PARP4: variants seen among roughly 807,000 people sequenced by gnomAD.
PARP4 encodes the protein poly(ADP-ribose) polymerase family member 4.
A neutral mutation model predicts 187.7 loss-of-function variants in PARP4; 120 were observed. The ratio of observed to expected loss-of-function variants is 0.64; its 90% CI spans 0.55 to 0.74. The LOEUF is 0.74. Among genes scored for constraint, PARP4 ranks in the 30% least tolerant of loss-of-function variants. The pLI, the probability that PARP4 is intolerant of heterozygous loss-of-function variation, is 0.00. For synonymous variants in PARP4, 654 were observed against 740.9 expected (o/e 0.88, Z 1.90); for missense variants, 1,836 against 2,070.5 (o/e 0.89, Z 2.20).
At chr13:24,504,143 G>A (rs1869467771) in intron 1 of PARP4, among the ~76,000 whole-genome samples, 1 of 151,834 alleles carries the variant, frequency 6.6e-6, no homozygotes, top group Admixed American at 6.6e-5. Context: ...TGAAACCATG[G>A]GTTTCTTTAA....
chr13:24,502,262 C>T (rs1309957369), intron 2 of PARP4, among the ~76,000 whole-genome samples: 2 of 152,104 alleles, frequency 1.3e-5, no homozygotes, highest in East Asian at 3.9e-4. Context: ...CCAGGCTGGT[C>T]TTGAACTCTC....
chr13:24,438,926 C>T (rs188379760), intron 30 of PARP4, among the ~76,000 whole-genome samples: 51 of 152,184 alleles, frequency 3.4e-4, no homozygotes, highest in Admixed American at 2.9e-3. Flanking sequence ...AAACAGATAT[C>T]GAGGAAGAGT....
At chr13:24,483,399 T>C (rs1410701079) in intron 12 of PARP4, among the ~76,000 whole-genome samples, 1 of 119,330 alleles carries the variant, frequency 8.4e-6, no homozygotes, top group Admixed American at 9.0e-5. Context: ...GGCAGGAGAA[T>C]GGCGTGAACC....
At chr13:24,475,894 C>T (rs1304950360) in intron 14 of PARP4, among the ~76,000 whole-genome samples, 1 of 151,988 alleles carries the variant, frequency 6.6e-6, no homozygotes, top group African/African-American at 2.4e-5. Context: ...AGGTGATCCT[C>T]CTGTCTCAGC....
intron 32 of PARP4, among the ~76,000 whole-genome samples, chr13:24,428,582 G>A (rs1394017019): frequency 6.6e-6 from 1 of 152,150 alleles, no homozygotes; most frequent in Admixed American, 6.5e-5. Context: ...CCAGGGCTCA[G>A]GTGATCCTCC....
At chr13:24,501,136 G>A (rs764959030) in intron 3 of PARP4, among the ~76,000 whole-genome samples, 5 of 152,194 alleles carry the variant, frequency 3.3e-5, no homozygotes, top group Non-Finnish European at 7.3e-5. Context: ...GTATTTATCA[G>A]AACTGTGTGA....
rs1238153637 is a variant in PARP4, at chr13:24,486,794, AT to A, written c.1215-490del. On this transcript the variant is annotated intron_variant, in intron 10 of 33. Coordinates refer to ENST00000381989, the MANE Select transcript of PARP4 (RefSeq NM_006437.4). ...TGGTGAAACCCCGTCTCTCCTAAAA[AT>A]ACAAAAATTAGCAGGGCATGGTGGT... 8.5e-5 allele frequency among the ~76,000 whole-genome samples: 13 copies of A among 152,334 alleles called. No homozygotes were observed. In the East Asian group the frequency reaches 2.5e-3, roughly 29 times the overall value.
chr13:24,482,270 T>A lies in PARP4; in HGVS notation c.1448+2383A>T, dbSNP rs1873319139. On this transcript the variant is annotated intron_variant, in intron 12 of 33. Coordinates refer to ENST00000381989, the MANE Select transcript of PARP4 (RefSeq NM_006437.4). ...AGATGGAATCCATTCCTGGTGAAGA[T>A]GTTGTGAACACTGTTGAACTGACAA... 2.0e-5 allele frequency among the ~76,000 whole-genome samples: 3 copies of A among 152,248 alleles called. No individual in the cohort carries two copies. In the South Asian group the frequency reaches 6.2e-4, roughly 31 times the overall value.
chr13:24,498,091 T>C (rs1869053337), intron 6 of PARP4, 25 bp downstream of exon 6: 3 of 1,482,040 alleles, frequency 2.0e-6, no homozygotes, highest in Non-Finnish European at 2.8e-6. Flanking sequence ...AGTAAACACA[T>C]AGGAATCAAT....
chr13:24,425,809 T>C (rs1194367067), intron 33 of PARP4, among the ~76,000 whole-genome samples: 2 of 152,010 alleles, frequency 1.3e-5, no homozygotes, highest in East Asian at 1.9e-4. Flanking sequence ...AGTGTTGCCA[T>C]CTCACTGGTG....
intron 17 of PARP4, among the ~76,000 whole-genome samples, chr13:24,462,564 A>G (rs1236697909): frequency 6.6e-6 from 1 of 152,222 alleles, no homozygotes; most frequent in Non-Finnish European, 1.5e-5. Context: ...AAATGACCCA[A>G]TGTCAAGATA....
intron 33 of PARP4, among the ~76,000 whole-genome samples, chr13:24,424,003 G>A (rs1279917132): frequency 6.6e-6 from 1 of 151,930 alleles, no homozygotes; most frequent in African/African-American, 2.4e-5. Context: ...AGAGATGGCA[G>A]TCTCATTGGT....
chr13:24,430,259 C>A (rs1870267044), intron 32 of PARP4, among the ~76,000 whole-genome samples: 1 of 152,078 alleles, frequency 6.6e-6, no homozygotes, highest in African/African-American at 2.4e-5. Context: ...AATATGAAAA[C>A]TCTGGCATTT....
Position 24,460,021 on chromosome 13 carries a change from G to C in PARP4, c.2249C>G (p.Ala750Gly). 2 of 1,614,068 alleles carry C rather than the reference G, an allele frequency of 1.2e-6. No homozygotes were observed. The highest frequency in any genetic ancestry group is 8.5e-7 in the Non-Finnish European group (1 of 1,179,996). The change falls in exon 18 of 34, where the codon GCC becomes GGC. Residue 750 changes from alanine (A) to glycine (G), a missense_variant. Physicochemically the swap from Ala to Gly is moderately conservative, Grantham distance 60. Coordinates refer to ENST00000381989, the MANE Select transcript of PARP4 (RefSeq NM_006437.4). ...GTCCTGTTGCCAGGGTGCTACGGTG[G>C]CGGGCATGAAAAAGACACCAACAGT... ...LGTVGVFFMP[A>G]TVAPWQQDKA...
chr13:24,495,199 A>G (rs1412819879), intron 6 of PARP4, among the ~76,000 whole-genome samples: 2 of 152,228 alleles, frequency 1.3e-5, no homozygotes, highest in African/African-American at 4.8e-5. Context: ...AACTCTTAAT[A>G]GCCTAAAACC....
Position 24,459,035 on chromosome 13 carries a change from T to C in PARP4, c.2424+9A>G, listed in dbSNP as rs199570771. 2.6e-6 allele frequency: 4 copies of C among 1,564,888 alleles called. No homozygotes were observed. The East Asian group carries it at 9.0e-5, about 35-fold the overall frequency. Reference sequence around the variant, plus strand: ...ATAACAGCTCTTAAGAAATCAAAGATGCACTAACCTTTTGTTTCAGTTCAT... The same window carrying C: ...ATAACAGCTCTTAAGAAATCAAAGACGCACTAACCTTTTGTTTCAGTTCAT... On this transcript the variant is annotated intron_variant, in intron 20 of 33. Coordinates refer to ENST00000381989, the MANE Select transcript of PARP4 (RefSeq NM_006437.4).
chr13:24,492,262 A>G (rs991173785), intron 9 of PARP4, among the ~76,000 whole-genome samples, 159 bp downstream of exon 9: 3 of 149,416 alleles, frequency 2.0e-5, no homozygotes, highest in African/African-American at 7.5e-5. Flanking sequence ...TAACTTTCAT[A>G]AGGATCCAGG....
chr13:24,424,571 A>G lies in PARP4; in HGVS notation c.4979+1895T>C, dbSNP rs533179332. Among the ~76,000 whole-genome samples, 4 of 152,298 alleles carry G rather than the reference A, an allele frequency of 2.6e-5. No individual in the cohort carries two copies. In the East Asian group the frequency reaches 5.8e-4, roughly 22 times the overall value. ...TATCTACCTTCCAAAATAACAAATC[A>G]AAAGTATTATTAACACCATGACTAC... is the stretch of plus-strand genomic sequence containing the variant. On this transcript the variant is annotated intron_variant, in intron 33 of 33. Transcript: ENST00000381989.
At position 24,475,580 on chromosome 13, in the gene PARP4, A is replaced by C; in HGVS notation, c.1806T>G (p.Asp602Glu). 2 of 1,614,192 alleles carry C rather than the reference A, an allele frequency of 1.2e-6. No homozygotes were observed. The highest frequency in any genetic ancestry group is 1.7e-6 in the Non-Finnish European group (2 of 1,179,998). The change falls in exon 15 of 34, where the codon GAT becomes GAG. Residue 602 changes from aspartate (D) to glutamate (E), a missense_variant. Physicochemically the swap from Asp to Glu is conservative, Grantham distance 45 (BLOSUM62 2). Transcript: ENST00000381989. ...CCTTGGTGCTGCTGGAAGTTTTGGC[A>C]TCTGGTAACTGGTAATCTAAACGTT... ...FSKVEDYQLP[D>E]AKTSSSTKAG...
Sources: allele counts gnomAD v4.1 joint callset (sites outside exome capture counted in the v4.1 genomes callset), GRCh38; gene constraint gnomAD v4.1.1; transcripts MANE v1.5; gene names NCBI Gene and HGNC (gene_info 2026-07-23, HGNC 2026-07-21).